Variants in LRFN5 observed in about 807,000 individuals in gnomAD.
LRFN5 encodes leucine-rich repeat and fibronectin type-III domain-containing protein 5.
A neutral mutation model predicts 45.6 loss-of-function variants in LRFN5; 24 were observed. The observed-to-expected ratio is 0.53, with a 90% CI of 0.38 to 0.74. LRFN5 has a LOEUF of 0.74. Ranked by LOEUF, LRFN5 falls within the 30% of genes least tolerant of loss-of-function variation. LRFN5 has a pLI of 0.00. For synonymous variants in LRFN5, 340 were observed against 313.8 expected, an observed-to-expected ratio of 1.08 and a Z score of -0.88; for missense variants, 776 against 861.5, an observed-to-expected ratio of 0.90 and a Z score of 1.24.
intron 2 of LRFN5, among the ~76,000 whole-genome samples, chr14:41,775,768 A>G (rs932017588): frequency 2.0e-5 from 3 of 152,234 alleles, no homozygotes; most frequent in African/African-American, 4.8e-5. Flanking sequence ...CGTTATAAAA[A>G]AGGAGGAATA....
chr14:41,831,755 T>A (rs1469610390), intron 2 of LRFN5, among the ~76,000 whole-genome samples: 1 of 152,200 alleles, frequency 6.6e-6, no homozygotes, highest in East Asian at 1.9e-4. Context: ...CTTCTTACCT[T>A]ATATATTCCA....
At chr14:41,665,675 A>C (rs1880862892) in intron 1 of LRFN5, among the ~76,000 whole-genome samples, 1 of 151,992 alleles carries the variant, frequency 6.6e-6, no homozygotes, top group Non-Finnish European at 1.5e-5. Context: ...TTTTTAACAT[A>C]AATATATAAT....
intron 1 of LRFN5, among the ~76,000 whole-genome samples, chr14:41,681,857 C>T (rs1216060930): frequency 3.6e-5 from 5 of 139,522 alleles, no homozygotes; most frequent in East Asian, 2.3e-4. Flanking sequence ...CTCACTCTGT[C>T]GCCCAGGCTG....
intron 2 of LRFN5, among the ~76,000 whole-genome samples, chr14:41,868,810 G>A (rs1332019842): frequency 6.6e-6 from 1 of 152,126 alleles, no homozygotes; most frequent in African/African-American, 2.4e-5. Flanking sequence ...ACATACATGT[G>A]TAGTACAATG....
Position 41,812,331 on chromosome 14 carries a change from G to T in LRFN5, c.-21+45302G>T, listed in dbSNP as rs1202031700. Among the ~76,000 whole-genome samples, 3 of 151,696 alleles carry T rather than the reference G, an allele frequency of 2.0e-5. No individual in the cohort carries two copies. In the South Asian group the frequency reaches 6.2e-4, roughly 32 times the overall value. ...GATTTTTAACTAGGAATTTCTATGAGTTTTTTTTAAAGACTAGCATCTTAA... is the reference window on the plus strand; with the variant it reads ...GATTTTTAACTAGGAATTTCTATGATTTTTTTTTAAAGACTAGCATCTTAA... On this transcript the variant is annotated intron_variant, in intron 2 of 5. Transcript: ENST00000298119.
chr14:41,882,846 CTTTTTT>C (rs71105409), intron 2 of LRFN5, among the ~76,000 whole-genome samples: 3 of 107,286 alleles, frequency 2.8e-5, no homozygotes. Flanking sequence ...TGTATTTCCT[CTTTTTT>C]TTTTTTTTTT....
intron 1 of LRFN5, among the ~76,000 whole-genome samples, chr14:41,628,438 A>C (rs1046792740): frequency 6.6e-6 from 1 of 152,058 alleles, no homozygotes; most frequent in Non-Finnish European, 1.5e-5. Flanking sequence ...CTTCATGTCT[A>C]CAAAAAAAAT....
chr14:41,691,695 C>A (rs562887107), intron 1 of LRFN5, among the ~76,000 whole-genome samples: 7 of 152,164 alleles, frequency 4.6e-5, no homozygotes, highest in African/African-American at 1.4e-4. Context: ...TATTTAACCA[C>A]CACACTATAC....
chr14:41,887,200 C>T lies in LRFN5; in HGVS notation c.575C>T (p.Ser192Phe), dbSNP rs869312921. The T allele has an allele frequency of 1.1e-5, 17 of 1,614,096 alleles. No homozygotes were observed. Among genetic ancestry groups the T allele is most frequent in the Non-Finnish European group, 1.4e-5 (17 of 1,180,014 alleles). The change falls in exon 3 of 6, where the codon TCC (serine) becomes TTC (phenylalanine). Residue 192 changes from serine (S) to phenylalanine (F), a missense_variant. Ser to Phe is a radical substitution (Grantham distance 155). Coordinates refer to ENST00000298119, the MANE Select transcript of LRFN5 (RefSeq NM_152447.5). The surrounding 1 kb of genome is among the most constrained non-coding windows in gnomAD (Gnocchi z 4.8). ...GATAACATTCCTAAGGGGACCTTCTCCCATTTGCACAAGATGACTCGGTTA... is the reference window on the plus strand; with the variant it reads ...GATAACATTCCTAAGGGGACCTTCTTCCATTTGCACAAGATGACTCGGTTA... ...MIDNIPKGTF[S>F]HLHKMTRLDV... is the part of the protein sequence containing the mutation.
intron 1 of LRFN5, among the ~76,000 whole-genome samples, chr14:41,650,268 A>ACACACATACACAC (rs1437857911): frequency 1.5e-5 from 2 of 129,402 alleles, no homozygotes; most frequent in South Asian, 5.4e-4. Flanking sequence ...CACACACACA[A>ACACACATACACAC]AAAAAAAAAA....
At chr14:41,666,647 T>A (rs1180886071) in intron 1 of LRFN5, among the ~76,000 whole-genome samples, 2 of 152,154 alleles carry the variant, frequency 1.3e-5, no homozygotes, top group Non-Finnish European at 2.9e-5. Context: ...TTCATTCTTT[T>A]AAGGTTTCAA....
intron 1 of LRFN5, among the ~76,000 whole-genome samples, chr14:41,758,011 A>G (rs1484699496): frequency 6.6e-6 from 1 of 152,154 alleles, no homozygotes; most frequent in Non-Finnish European, 1.5e-5. Context: ...GTATATTCTT[A>G]ATGTAAAAGT....
In LRFN5 at chr14:41,607,045, C is replaced by T. The variant is rs1449170158; in HGVS notation, c.-1714C>T. 2.6e-5 allele frequency among the ~76,000 whole-genome samples: 4 copies of T among 152,120 alleles called. No individual in the cohort carries two copies. The highest frequency in any genetic ancestry group is 9.7e-5 in the African/African-American group (4 of 41,446). ...CCTCGCGCCTGAACTGCGGACTCGC[C>T]CCAGCGCGGTGGCCAGCGGGCGGGG... is the stretch of plus-strand genomic sequence containing the variant. On this transcript the variant is annotated 5_prime_UTR_variant, in exon 1 of 6. Transcript: ENST00000298119.
At chr14:41,700,531 C>G (rs1052121760) in intron 1 of LRFN5, 5 of 151,466 alleles carry the variant, frequency 3.3e-5, no homozygotes, top group African/African-American at 1.2e-4. Flanking sequence ...TATGGGGTTT[C>G]ACAATGTATT....
chr14:41,901,807 A>T (rs1891110061), intron 5 of LRFN5, among the ~76,000 whole-genome samples: 1 of 152,040 alleles, frequency 6.6e-6, no homozygotes, highest in South Asian at 2.1e-4. Flanking sequence ...GGTGAGTGTG[A>T]TCAATGTAAA....
chr14:41,690,692 T>G (rs933715157), intron 1 of LRFN5, among the ~76,000 whole-genome samples: 9 of 152,210 alleles, frequency 5.9e-5, no homozygotes, highest in African/African-American at 2.2e-4. Context: ...TTATATCTTT[T>G]GGTGAAAGAA....
chr14:41,882,730 G>T (rs995485314), intron 2 of LRFN5, among the ~76,000 whole-genome samples: 17 of 151,982 alleles, frequency 1.1e-4, no homozygotes, highest in African/African-American at 3.9e-4. Context: ...TGCATTCTTA[G>T]AAGTTTGGTA....
At chr14:41,644,127 T>C (rs1452229984) in intron 1 of LRFN5, among the ~76,000 whole-genome samples, 1 of 152,212 alleles carries the variant, frequency 6.6e-6, no homozygotes, top group Non-Finnish European at 1.5e-5. Flanking sequence ...TTTTTGTGGT[T>C]GCTTTATTTT....
At chr14:41,626,389 A>G (rs1888333375) in intron 1 of LRFN5, among the ~76,000 whole-genome samples, 1 of 152,140 alleles carries the variant, frequency 6.6e-6, no homozygotes, top group Admixed American at 6.6e-5. Context: ...TTTGTACTAT[A>G]TACAACAGAC....
Sources: allele counts gnomAD v4.1 joint callset (sites outside exome capture counted in the v4.1 genomes callset), GRCh38; gene constraint gnomAD v4.1.1; non-coding constraint Gnocchi (gnomAD v3.1); transcripts MANE v1.5; gene names NCBI Gene and HGNC (gene_info 2026-07-23, HGNC 2026-07-21).